Variants in DLG2 observed in about 807,000 individuals in gnomAD.
The protein encoded by DLG2 is disks large homolog 2.
DLG2 carries 45 observed loss-of-function variants against 132.5 expected under a neutral mutation model. The ratio of observed to expected loss-of-function variants is 0.34; its 90% CI spans 0.27 to 0.44. DLG2 has a LOEUF of 0.44. Among genes scored for constraint, DLG2 ranks in the 20% least tolerant of loss-of-function variants. The pLI is 1.00. For synonymous variants in DLG2, 424 were observed against 419.6 expected (o/e 1.01, Z -0.13); for missense variants, 1,045 against 1,196.9 (o/e 0.87, Z 1.87).
chr11:84,983,964 G>T (rs1177831352), intron 6 of DLG2, among the ~76,000 whole-genome samples: 1 of 152,062 alleles, frequency 6.6e-6, no homozygotes, highest in Non-Finnish European at 1.5e-5. Context: ...AAAGAAAATT[G>T]AACAAAGCCT....
intron 18 of DLG2, among the ~76,000 whole-genome samples, chr11:83,724,156 G>A (rs1300511391): frequency 6.6e-6 from 1 of 152,080 alleles, no homozygotes; most frequent in Non-Finnish European, 1.5e-5. Context: ...CCACCAGAAC[G>A]TACTACCCAT....
At chr11:85,341,115 G>GTTTTC (rs2082465890) in intron 3 of DLG2, among the ~76,000 whole-genome samples, 2 of 151,396 alleles carry the variant, frequency 1.3e-5, no homozygotes, top group East Asian at 3.9e-4. Flanking sequence ...GTTTGTTTTT[G>GTTTTC]TTTTGTTTTG....
intron 6 of DLG2, among the ~76,000 whole-genome samples, chr11:84,706,598 AACTT>A (rs1265617178): frequency 2.0e-5 from 3 of 151,780 alleles, no homozygotes; most frequent in Non-Finnish European, 4.4e-5. Flanking sequence ...GTACTGATGA[AACTT>A]ACTTTGGAAA....
At chr11:85,408,636 A>G (rs286039) in intron 3 of DLG2, among the ~76,000 whole-genome samples, 121,068 of 148,232 alleles carry the variant, frequency 0.82, 49,721 homozygotes, top group Middle Eastern at 0.9. Flanking sequence ...TATGAGTGAG[A>G]ACATGCGGTG....
intron 16 of DLG2, among the ~76,000 whole-genome samples, chr11:83,842,755 G>T (rs1414455180): frequency 2.0e-5 from 3 of 149,742 alleles, no homozygotes; most frequent in African/African-American, 7.4e-5. Context: ...GGCAGAGCTT[G>T]CAGTGAGCTG....
chr11:83,762,730 G>A (rs2093963570), intron 18 of DLG2, among the ~76,000 whole-genome samples: 1 of 152,084 alleles, frequency 6.6e-6, no homozygotes, highest in South Asian at 2.1e-4. Context: ...ACAGGCGCAT[G>A]CCGCCACGCC....
At chr11:83,808,949 A>C (rs528947300) in intron 17 of DLG2, among the ~76,000 whole-genome samples, 2 of 150,710 alleles carry the variant, frequency 1.3e-5, no homozygotes, top group South Asian at 4.2e-4. Flanking sequence ...TTCCTTCCTT[A>C]CCTTTCCTCT....
At chr11:84,317,355 T>C in intron 7 of DLG2, 1 of 1,397,158 alleles carries the variant, frequency 7.2e-7, no homozygotes, top group Non-Finnish European at 9.3e-7. Flanking sequence ...GGTAGCTCTT[T>C]GTCAATAGAT....
chr11:85,444,773 A>G (rs761389435), intron 3 of DLG2, among the ~76,000 whole-genome samples: 3 of 152,230 alleles, frequency 2.0e-5, no homozygotes, highest in Non-Finnish European at 4.4e-5. Flanking sequence ...TGCTTCTAAT[A>G]CATTTACTAG....
chr11:84,140,598 G>C (rs368609185), intron 9 of DLG2, among the ~76,000 whole-genome samples: 1 of 152,224 alleles, frequency 6.6e-6, no homozygotes, highest in African/African-American at 2.4e-5. Context: ...CTGGAGTTAG[G>C]GCAATGTTAC....
chr11:84,020,594 C>T (rs149285505), intron 11 of DLG2, among the ~76,000 whole-genome samples: 11 of 152,302 alleles, frequency 7.2e-5, no homozygotes, highest in African/African-American at 2.6e-4. Context: ...AGGACAGACA[C>T]ACAGGAAAGC....
intron 3 of DLG2, among the ~76,000 whole-genome samples, chr11:85,294,709 G>A (rs968984700): frequency 6.6e-6 from 1 of 152,122 alleles, no homozygotes; most frequent in African/African-American, 2.4e-5. Flanking sequence ...CTCATTAAAT[G>A]TTGAATACCT....
intron 7 of DLG2, among the ~76,000 whole-genome samples, chr11:84,409,058 C>T (rs761038666): frequency 2.0e-5 from 3 of 152,154 alleles, no homozygotes; most frequent in Non-Finnish European, 4.4e-5. Context: ...GTTTACTGCT[C>T]AAGTCTCATC....
At chr11:84,451,078 A>G (rs1047484098) in intron 7 of DLG2, among the ~76,000 whole-genome samples, 3 of 151,776 alleles carry the variant, frequency 2.0e-5, no homozygotes, top group African/African-American at 7.2e-5. Flanking sequence ...GCTGCTTTAT[A>G]GGCTGAGAAA....
intron 6 of DLG2, among the ~76,000 whole-genome samples, chr11:84,993,364 C>G (rs1273301753): frequency 6.6e-6 from 1 of 152,056 alleles, no homozygotes; most frequent in Non-Finnish European, 1.5e-5. Context: ...TTCAATCAGG[C>G]TGGTGGGAAA....
intron 6 of DLG2, among the ~76,000 whole-genome samples, chr11:84,994,941 G>C (rs1200576455): frequency 6.6e-6 from 1 of 152,062 alleles, no homozygotes; most frequent in African/African-American, 2.4e-5. Flanking sequence ...TGGAGTCTTG[G>C]GGTGTGTGTA....
intron 6 of DLG2, among the ~76,000 whole-genome samples, chr11:85,084,143 A>G (rs1197993877): frequency 6.6e-6 from 1 of 152,218 alleles, no homozygotes; most frequent in Non-Finnish European, 1.5e-5. Context: ...TTTTAAAATA[A>G]AAGATATTCC....
chr11:84,093,225 T>C (rs2097121774), intron 10 of DLG2, among the ~76,000 whole-genome samples: 1 of 152,162 alleles, frequency 6.6e-6, no homozygotes, highest in Admixed American at 6.5e-5. Flanking sequence ...CATTCTCATC[T>C]CAAGGTTCAG....
At chr11:83,642,975 T>TA (rs201125076) in intron 18 of DLG2, among the ~76,000 whole-genome samples, 2,364 of 151,330 alleles carry the variant, frequency 0.016, 55 homozygotes, top group African/African-American at 0.048. Context: ...AATAAATGAA[T>TA]AAAAAAAAAC....
Sources: allele counts gnomAD v4.1 joint callset (sites outside exome capture counted in the v4.1 genomes callset), GRCh38; gene constraint gnomAD v4.1.1; transcripts MANE v1.5; gene names NCBI Gene and HGNC (gene_info 2026-07-23, HGNC 2026-07-21).